CTIF: variants seen among roughly 807,000 people sequenced by gnomAD.
CTIF encodes cap binding complex dependent translation initiation factor.
In CTIF, 21 loss-of-function variants were observed where a neutral mutation model predicts 66.0. The observed-to-expected ratio is 0.32, with a 90% CI of 0.23 to 0.46. The LOEUF (loss-of-function observed/expected upper bound fraction) is 0.46, where lower values mean the gene tolerates loss of function less well. CTIF is among the 20% of genes least tolerant of loss of function. The probability of loss-of-function intolerance (pLI) is 1.00; values close to 1 mark genes in which losing one functional copy is unlikely to be tolerated. For synonymous variants in CTIF, 345 were observed against 326.4 expected (o/e 1.06, Z -0.62); for missense variants, 739 against 812.7 (o/e 0.91, Z 1.10).
intron 6 of CTIF, among the ~76,000 whole-genome samples, chr18:48,702,126 C>T (rs1003304855): frequency 2.6e-5 from 4 of 152,278 alleles, no homozygotes; most frequent in East Asian, 3.9e-4. Context: ...CCAGGCTTAG[C>T]GACAGCTAGG....
chr18:48,666,913 G>C (rs572664231), intron 5 of CTIF, among the ~76,000 whole-genome samples: 2 of 152,354 alleles, frequency 1.3e-5, no homozygotes, highest in Non-Finnish European at 1.5e-5. Flanking sequence ...GCTTCAGGAA[G>C]GGGTTGTGAG....
In CTIF at chr18:48,663,748, C is replaced by T; in HGVS notation, c.253-4C>T. 1.2e-6 allele frequency: 2 copies of T among 1,613,966 alleles called. No homozygotes were observed. The highest frequency in any genetic ancestry group is 2.2e-5 in the South Asian group (2 of 91,084). On this transcript the variant is annotated splice_region_variant and splice_polypyrimidine_tract_variant and intron_variant, in intron 3 of 11. Transcript: ENST00000256413. ...GTCAGCCCTTTCACCCCCATCTCTTCCAGAATGGCAGCAAAGACAACTCTC... is the reference window on the plus strand; with the variant it reads ...GTCAGCCCTTTCACCCCCATCTCTTTCAGAATGGCAGCAAAGACAACTCTC...
intron 7 of CTIF, among the ~76,000 whole-genome samples, chr18:48,722,711 C>T (rs1282480132): frequency 1.3e-5 from 2 of 152,002 alleles, no homozygotes; most frequent in Non-Finnish European, 1.5e-5. Flanking sequence ...TCAGCGCTCA[C>T]AGGTGTAAGC....
At position 48,623,714 on chromosome 18, in the gene CTIF, T is replaced by C. The variant is rs919057161; in HGVS notation, c.180+3969T>C. Reference sequence around the variant, plus strand: ...AGACCTGAGGGAGTGGAGAGGAATGTTGCTCTTCAGCTGGTGAGGTCATTT... The same window carrying C: ...AGACCTGAGGGAGTGGAGAGGAATGCTGCTCTTCAGCTGGTGAGGTCATTT... On this transcript the variant is annotated intron_variant, in intron 2 of 11. Coordinates refer to ENST00000256413, the MANE Select transcript of CTIF (RefSeq NM_014772.3). Among the ~76,000 whole-genome samples, 4 of 152,190 alleles carry C rather than the reference T, an allele frequency of 2.6e-5. No homozygotes were observed. In the South Asian group the frequency reaches 8.3e-4, roughly 32 times the overall value.
intron 7 of CTIF, among the ~76,000 whole-genome samples, chr18:48,713,487 C>T (rs980119593): frequency 5.9e-5 from 9 of 152,106 alleles, no homozygotes; most frequent in Non-Finnish European, 1.0e-4. Flanking sequence ...GGAAGAGGAG[C>T]GCGGCATGCA....
intron 10 of CTIF, among the ~76,000 whole-genome samples, chr18:48,845,743 C>T (rs905544278): frequency 6.6e-6 from 1 of 152,152 alleles, no homozygotes; most frequent in Non-Finnish European, 1.5e-5. Context: ...ATTCACTTTC[C>T]CTAAAACCAC....
At chr18:48,638,030 C>T (rs1302178483) in intron 3 of CTIF, among the ~76,000 whole-genome samples, 1 of 152,084 alleles carries the variant, frequency 6.6e-6, no homozygotes, top group Admixed American at 6.5e-5. Context: ...GCTACCTTGC[C>T]CAACTGCAGG....
At chr18:48,817,192 G>T in intron 9 of CTIF, 29 bp from the exon 10 acceptor site, 1 of 1,605,802 alleles carries the variant, frequency 6.2e-7, no homozygotes, top group Non-Finnish European at 8.5e-7. Flanking sequence ...AGCCCCGGGA[G>T]GCTGACGCGG....
intron 3 of CTIF, among the ~76,000 whole-genome samples, chr18:48,646,757 GAAAAT>G (rs371303528): frequency 1.3e-3 from 190 of 147,238 alleles, no homozygotes; most frequent in South Asian, 2.8e-3. Context: ...AAAAAAAAAA[GAAAAT>G]AAAATAAAAA....
rs76713274 is a variant in CTIF at position 48,606,050 on chromosome 18, G to C, written c.-28-13488G>C. On this transcript the variant is annotated intron_variant, in intron 1 of 11. Transcript: ENST00000256413. ...GGTCTTGTCTCTGGCTTGGCAATCTGTTGTGGGAGGCCTCTGTAATCGGGC... is the reference window on the plus strand; with the variant it reads ...GGTCTTGTCTCTGGCTTGGCAATCTCTTGTGGGAGGCCTCTGTAATCGGGC... 3.7e-4 allele frequency among the ~76,000 whole-genome samples: 56 copies of C among 152,342 alleles called. No homozygotes were observed. In the East Asian group the frequency reaches 0.01, roughly 27 times the overall value.
chr18:48,809,863 A>G lies in CTIF; in HGVS notation c.1372-7358A>G, dbSNP rs540700368. On this transcript the variant is annotated intron_variant, in intron 9 of 11. Transcript: ENST00000256413. ...TTTTATTATACTTTTTTTCTATATC[A>G]TATCTGTTTTCATATCTAATTTTAT... Among the ~76,000 whole-genome samples the G allele has an allele frequency of 1.0e-3, 159 of 151,504 alleles. 1 individual carries two copies. The highest frequency in any genetic ancestry group is 3.7e-3 in the African/African-American group (153 of 41,396).
At chr18:48,677,013 G>A (rs1426934985) in intron 6 of CTIF, among the ~76,000 whole-genome samples, 3 of 152,054 alleles carry the variant, frequency 2.0e-5, no homozygotes, top group South Asian at 2.1e-4. Flanking sequence ...GGCCGGGGCC[G>A]CGGCTGGGGC....
intron 7 of CTIF, among the ~76,000 whole-genome samples, chr18:48,736,546 T>C (rs2092505223): frequency 6.6e-6 from 1 of 152,234 alleles, no homozygotes; most frequent in Non-Finnish European, 1.5e-5. Flanking sequence ...CCGATGATTT[T>C]CCTTCTGGGC....
intron 1 of CTIF, among the ~76,000 whole-genome samples, chr18:48,552,812 G>A (rs1223766365): frequency 2.6e-5 from 4 of 152,214 alleles, no homozygotes; most frequent in African/African-American, 9.6e-5. Flanking sequence ...ACAGGGATTG[G>A]CAGGTTCCCC....
intron 9 of CTIF, among the ~76,000 whole-genome samples, chr18:48,771,811 G>A (rs565705366): frequency 1.2e-4 from 19 of 152,322 alleles, no homozygotes; most frequent in South Asian, 2.1e-4. Flanking sequence ...GTGAGCGGCC[G>A]GCCCCCAGCC....
chr18:48,668,200 G>T (rs2091466876), intron 5 of CTIF, among the ~76,000 whole-genome samples: 1 of 152,240 alleles, frequency 6.6e-6, no homozygotes, highest in South Asian at 2.1e-4. Flanking sequence ...AGAACAGAAA[G>T]CTGTGTTTGG....
At chr18:48,740,274 T>C (rs1254963751) in intron 7 of CTIF, among the ~76,000 whole-genome samples, 2 of 152,216 alleles carry the variant, frequency 1.3e-5, no homozygotes, top group Non-Finnish European at 2.9e-5. Flanking sequence ...AGCCCAGTTC[T>C]GACCATCCAG....
Position 48,658,682 on chromosome 18 carries a change from C to T in CTIF, c.253-5070C>T, listed in dbSNP as rs111903849. Reference sequence around the variant, plus strand: ...TGTGGATGTGTCTGTCTAGTATATGCATGTGTGTAGTATTGTGTATATATG... The same window carrying T: ...TGTGGATGTGTCTGTCTAGTATATGTATGTGTGTAGTATTGTGTATATATG... On this transcript the variant is annotated intron_variant, in intron 3 of 11. Transcript: ENST00000256413. Among the ~76,000 whole-genome samples, 531 of 152,114 alleles carry T rather than the reference C, an allele frequency of 3.5e-3. 4 individuals carry two copies. Among genetic ancestry groups the T allele is most frequent in the African/African-American group, 0.012 (503 of 41,462 alleles).
intron 2 of CTIF, among the ~76,000 whole-genome samples, chr18:48,622,870 G>C (rs567532488): frequency 2.6e-5 from 4 of 152,304 alleles, no homozygotes; most frequent in African/African-American, 9.6e-5. Flanking sequence ...CTTTTCAGCT[G>C]TGTGGCATCC....
Sources: gnomAD v4.1 joint callset for allele counts (sites outside exome capture counted in the v4.1 genomes callset) on GRCh38, gnomAD v4.1.1 for gene constraint, MANE v1.5 for transcripts, NCBI Gene and HGNC (gene_info 2026-07-23, HGNC 2026-07-21) for gene names.